TSHZ2: variants seen among roughly 807,000 people sequenced by gnomAD.
TSHZ2 encodes teashirt zinc finger homeobox 2.
A neutral mutation model predicts 74.4 loss-of-function variants in TSHZ2; 21 were observed. The ratio of observed to expected loss-of-function variants is 0.28; its 90% CI spans 0.20 to 0.41. The LOEUF is 0.41. TSHZ2 is among the 10% of genes least tolerant of loss of function. The probability of loss-of-function intolerance (pLI) is 1.00; values close to 1 mark genes in which losing one functional copy is unlikely to be tolerated. For missense variants in TSHZ2, 1,244 were observed against 1,293.5 expected, an observed-to-expected ratio of 0.96 and a Z score of 0.59; for synonymous variants, 540 against 515.3, an observed-to-expected ratio of 1.05 and a Z score of -0.65.
At chr20:53,197,651 T>G (rs1318788450) in intron 1 of TSHZ2, among the ~76,000 whole-genome samples, 1 of 152,242 alleles carries the variant, frequency 6.6e-6, no homozygotes, top group Admixed American at 6.5e-5. Flanking sequence ...AAGTTTTTGA[T>G]ATTTAAATGT....
At chr20:53,035,229 G>A (rs928161503) in intron 1 of TSHZ2, among the ~76,000 whole-genome samples, 2 of 152,088 alleles carry the variant, frequency 1.3e-5, no homozygotes, top group Non-Finnish European at 1.5e-5. Flanking sequence ...TTTGCTGCTG[G>A]GTGCCTTGAT....
At chr20:53,357,735 G>C (rs1327787158) in intron 2 of TSHZ2, among the ~76,000 whole-genome samples, 1 of 152,122 alleles carries the variant, frequency 6.6e-6, no homozygotes, top group Non-Finnish European at 1.5e-5. Context: ...TCGTCACTGA[G>C]GTGCTGCTTT....
At chr20:53,392,457 A>C (rs963215009) in intron 2 of TSHZ2, among the ~76,000 whole-genome samples, 3 of 152,206 alleles carry the variant, frequency 2.0e-5, no homozygotes, top group South Asian at 2.1e-4. Flanking sequence ...AACAAACAAA[A>C]AAAAATGAAA....
chr20:52,994,915 A>T (rs538714345), intron 1 of TSHZ2, among the ~76,000 whole-genome samples: 1 of 152,308 alleles, frequency 6.6e-6, no homozygotes, highest in Admixed American at 6.5e-5. Flanking sequence ...CTTGAGGCTC[A>T]TTTAGCCTCC....
intron 2 of TSHZ2, among the ~76,000 whole-genome samples, chr20:53,297,934 G>T: frequency 6.6e-6 from 1 of 152,106 alleles, no homozygotes; most frequent in East Asian, 1.9e-4. Flanking sequence ...TCAAAGAATT[G>T]GCTATGAAAT....
At chr20:52,986,644 G>A (rs1463754920) in intron 1 of TSHZ2, among the ~76,000 whole-genome samples, 1 of 151,268 alleles carries the variant, frequency 6.6e-6, no homozygotes, top group Non-Finnish European at 1.5e-5. Flanking sequence ...CAGGAGAATC[G>A]CTTGAACCCA....
chr20:53,344,266 T>C (rs1315264450), intron 2 of TSHZ2, among the ~76,000 whole-genome samples: 1 of 152,168 alleles, frequency 6.6e-6, no homozygotes, highest in Non-Finnish European at 1.5e-5. Flanking sequence ...ACTGGGAATT[T>C]ATTGCATGTT....
intron 2 of TSHZ2, among the ~76,000 whole-genome samples, chr20:53,435,618 A>T (rs1172678923): frequency 6.6e-6 from 1 of 152,090 alleles, no homozygotes; most frequent in Non-Finnish European, 1.5e-5. Context: ...GGTTCAAGCA[A>T]TTCTCCTGCC....
chr20:53,057,245 A>G (rs1311761212), intron 1 of TSHZ2, among the ~76,000 whole-genome samples: 1 of 152,186 alleles, frequency 6.6e-6, no homozygotes, highest in Non-Finnish European at 1.5e-5. Context: ...CAGTATGAAA[A>G]TGGACTAATA....
At chr20:53,479,767 G>A (rs911031692) in intron 2 of TSHZ2, among the ~76,000 whole-genome samples, 2 of 152,218 alleles carry the variant, frequency 1.3e-5, no homozygotes, top group Non-Finnish European at 2.9e-5. Context: ...CACAACTTCA[G>A]TTGTCACAAC....
chr20:53,191,587 C>T (rs1396465212), intron 1 of TSHZ2, among the ~76,000 whole-genome samples: 3 of 152,190 alleles, frequency 2.0e-5, no homozygotes, highest in African/African-American at 4.8e-5. Flanking sequence ...CACTTGAACC[C>T]AGGAGGCGGA....
At chr20:53,303,624 T>C (rs1300390080) in intron 2 of TSHZ2, among the ~76,000 whole-genome samples, 2 of 152,216 alleles carry the variant, frequency 1.3e-5, no homozygotes, top group African/African-American at 4.8e-5. Flanking sequence ...CCAGAAATTG[T>C]ATTTTTCTTA....
chr20:53,006,839 A>G (rs1416382898), intron 1 of TSHZ2, among the ~76,000 whole-genome samples: 1 of 152,108 alleles, frequency 6.6e-6, no homozygotes, highest in Non-Finnish European at 1.5e-5. Flanking sequence ...GTAGGGTGCT[A>G]TGGTTTATTT....
At position 53,444,082 on chromosome 20, in the gene TSHZ2, A is replaced by G. The variant is rs373386926; in HGVS notation, c.*9-43062A>G. Among the ~76,000 whole-genome samples the G allele has an allele frequency of 1.2e-4, 19 of 152,254 alleles. No individual in the cohort carries two copies. The South Asian group carries it at 3.3e-3, about 27-fold the overall frequency. ...ACTGAGGCATTTCCCAGGACAAGGGACTAAAACCAGGATGAGAAGTCACCC... is the reference window on the plus strand; with the variant it reads ...ACTGAGGCATTTCCCAGGACAAGGGGCTAAAACCAGGATGAGAAGTCACCC... On this transcript the variant is annotated intron_variant, in intron 2 of 2. Coordinates refer to ENST00000371497, the MANE Select transcript of TSHZ2 (RefSeq NM_173485.6).
At chr20:53,463,445 G>A (rs3960237) in intron 2 of TSHZ2, among the ~76,000 whole-genome samples, 15,595 of 111,792 alleles carry the variant, frequency 0.14, 1,486 homozygotes, top group South Asian at 0.27. Context: ...GAGGGAGGGA[G>A]GGAAGGAAGG....
chr20:53,002,873 T>G (rs540934763), intron 1 of TSHZ2, among the ~76,000 whole-genome samples: 8 of 152,152 alleles, frequency 5.3e-5, no homozygotes, highest in Non-Finnish European at 7.3e-5. Flanking sequence ...TAAGTCTTCA[T>G]GTTCTGAAGA....
intron 2 of TSHZ2, among the ~76,000 whole-genome samples, chr20:53,366,665 G>A (rs985907741): frequency 6.6e-6 from 1 of 152,188 alleles, no homozygotes; most frequent in Non-Finnish European, 1.5e-5. Context: ...ATGGCAAAGA[G>A]GAAGGCCCCA....
intron 1 of TSHZ2, among the ~76,000 whole-genome samples, chr20:53,108,920 T>C (rs1986454327): frequency 6.6e-6 from 1 of 152,154 alleles, no homozygotes; most frequent in Non-Finnish European, 1.5e-5. Flanking sequence ...CCCTGCAGTT[T>C]CTGAAGAATA....
chr20:53,310,316 T>C (rs1028903865), intron 2 of TSHZ2, among the ~76,000 whole-genome samples: 3 of 152,240 alleles, frequency 2.0e-5, no homozygotes, highest in African/African-American at 7.2e-5. Context: ...CCTATTGGAC[T>C]AGATCAGAGG....
Sources: allele counts gnomAD v4.1 joint callset (sites outside exome capture counted in the v4.1 genomes callset), GRCh38; gene constraint gnomAD v4.1.1; transcripts MANE v1.5; gene names NCBI Gene and HGNC (gene_info 2026-07-23, HGNC 2026-07-21).